The following KIFC3 variants were observed in gnomAD, a reference collection of about 807,000 sequenced individuals.
KIFC3 encodes kinesin family member C3, also known as kinesin-like protein KIFC3.
A neutral mutation model predicts 101.8 loss-of-function variants in KIFC3; 60 were observed. The ratio of observed to expected loss-of-function variants is 0.59; its 90% confidence interval spans 0.48 to 0.73. The LOEUF (loss-of-function observed/expected upper bound fraction) is 0.73. KIFC3 is among the 30% of genes least tolerant of loss of function. The pLI, the probability that KIFC3 is intolerant of heterozygous loss-of-function variation, is 0.00. For missense variants in KIFC3, 966 were observed against 1,137.1 expected, an observed-to-expected ratio of 0.85 and a Z score of 2.16; for synonymous variants, 476 against 482.7, an observed-to-expected ratio of 0.99 and a Z score of 0.18.
intron 12 of KIFC3, among the ~76,000 whole-genome samples, chr16:57,763,088 A>G (rs560495800): frequency 6.6e-6 from 1 of 151,762 alleles, no homozygotes; most frequent in African/African-American, 2.4e-5. Context: ...CCCTGGCCTG[A>G]CAGGACACTT....
chr16:57,760,111 C>A, intron 17 of KIFC3, 171 bp downstream of exon 17: 1 of 807,722 alleles, frequency 1.2e-6, no homozygotes. Flanking sequence ...AGAAGAAATA[C>A]CTGTACTGAA....
At chr16:57,808,017 T>A (rs369892275), upstream of KIFC3, 10 of 146,710 alleles carry the variant, frequency 6.8e-5, no homozygotes, top group African/African-American at 2.6e-4. Flanking sequence ...ATCCAAATGG[T>A]GGCTGCCTTT....
chr16:57,795,175 C>T lies in KIFC3; in HGVS notation c.173-34G>A, dbSNP rs375369781. On this transcript the variant is annotated intron_variant, in intron 2 of 19. Transcript: ENST00000445690. ...GGACAGAGAGATAGGTGAGACACTC[C>T]GACCACTGGCCAAAGACTGCTAGCC... is the stretch of plus-strand genomic sequence containing the variant. The T allele has an allele frequency of 1.3e-4, 204 of 1,596,162 alleles. No homozygotes were observed. In the African/African-American group the frequency reaches 1.8e-3, roughly 14 times the overall value.
chr16:57,829,361 C>T (rs936892451), intron 1 of KIFC3, among the ~76,000 whole-genome samples: 8 of 152,116 alleles, frequency 5.3e-5, no homozygotes, highest in African/African-American at 1.7e-4. Context: ...TCAAGCAATC[C>T]TCCCACCTCA....
At chr16:57,862,623 C>A in intron 1 of KIFC3, 1 of 308,490 alleles carries the variant, frequency 3.2e-6, no homozygotes, top group East Asian at 8.1e-5. Flanking sequence ...AGCTACAATC[C>A]CAATCACTGT....
intron 10 of KIFC3, 153 bp from the exon 11 acceptor site, chr16:57,765,793 T>G: frequency 1.6e-6 from 1 of 644,234 alleles, no homozygotes; most frequent in African/African-American, 1.8e-5. Flanking sequence ...AAAGCTGTTA[T>G]CCGTCATTCA....
Position 57,759,844 on chromosome 16 carries a change from C to A in KIFC3, c.2368-8G>T. The A allele has an allele frequency of 6.2e-7, 1 of 1,600,842 alleles. No homozygotes were observed. Among genetic ancestry groups the A allele is most frequent in the Non-Finnish European group, 8.5e-7 (1 of 1,174,228 alleles). ...CTGACAAGCCGGCTCCCACTGTGAG[C>A]AGGGAAGGGCGGATGGGCGGGGGCC... is the stretch of plus-strand genomic sequence containing the variant. On this transcript the variant is annotated splice_region_variant and splice_polypyrimidine_tract_variant and intron_variant, in intron 17 of 19. Coordinates refer to ENST00000445690, the MANE Select transcript of KIFC3 (RefSeq NM_001130100.2).
At chr16:57,799,000 C>T (rs2054552346) in intron 1 of KIFC3, among the ~76,000 whole-genome samples, 1 of 152,164 alleles carries the variant, frequency 6.6e-6, no homozygotes, top group Admixed American at 6.5e-5. Context: ...CCTGAAAACT[C>T]CCAGTCAGAA....
In KIFC3 at chr16:57,760,762, C is replaced by T. The variant is rs144919029; in HGVS notation, c.2196G>A (p.Ser732=). 6.8e-6 allele frequency: 11 copies of T among 1,613,718 alleles called. No homozygotes were observed. The South Asian group carries it at 7.7e-5, about 11-fold the overall frequency. ...TGAGGGTCTTGCTGTCACCACTAAG[C>T]GAATCCTGCAGCAGGTAGGTGAGCT... is the stretch of plus-strand genomic sequence containing the variant. ...NSKLTYLLQD[S]LSGDSKTLMV... is the part of the protein sequence containing the mutation. The change falls in exon 16 of 20, where the codon TCG becomes TCA. Residue 732 remains serine, a synonymous_variant. Transcript: ENST00000445690.
At chr16:57,798,364 G>A (rs1218678874) in intron 1 of KIFC3, 82 bp from the exon 2 acceptor site, 1 of 1,273,260 alleles carries the variant, frequency 7.9e-7, no homozygotes, top group East Asian at 2.5e-5. Context: ...CCATCTGGAA[G>A]GGTCTACGCC....
chr16:57,861,075 T>C (rs1959243178), intron 1 of KIFC3, among the ~76,000 whole-genome samples: 1 of 152,210 alleles, frequency 6.6e-6, no homozygotes. Flanking sequence ...CATACTTCAT[T>C]ACAAAGACTT....
intron 1 of KIFC3, among the ~76,000 whole-genome samples, chr16:57,826,982 C>A (rs2055472265): frequency 6.6e-6 from 1 of 152,206 alleles, no homozygotes; most frequent in South Asian, 2.1e-4. Flanking sequence ...TGCCTTGGGA[C>A]TGTGAAACCA....
At chr16:57,759,687 C>T (rs2049587762) in intron 18 of KIFC3, 41 bp downstream of exon 18, 3 of 1,476,496 alleles carry the variant, frequency 2.0e-6, no homozygotes, top group African/African-American at 1.4e-5. Context: ...TGACTATTAC[C>T]CTGGGGAGAC....
At chr16:57,862,326 G>A (rs55948539) in intron 1 of KIFC3, among the ~76,000 whole-genome samples, 1 of 151,534 alleles carries the variant, frequency 6.6e-6, no homozygotes, top group Admixed American at 6.6e-5. Flanking sequence ...GCCTGGCTGA[G>A]ATTTCATCAA....
At chr16:57,859,588 A>G (rs1402624519) in intron 1 of KIFC3, among the ~76,000 whole-genome samples, 5 of 152,146 alleles carry the variant, frequency 3.3e-5, no homozygotes, top group Non-Finnish European at 5.9e-5. Context: ...TATGTTGTCT[A>G]CATCAGCCTT....
At chr16:57,854,982 A>G (rs247061) in intron 1 of KIFC3, among the ~76,000 whole-genome samples, 100,829 of 152,018 alleles carry the variant, frequency 0.66, 34,341 homozygotes, top group East Asian at 0.76. Context: ...CACTTTGGGA[A>G]GTCAAGGCGG....
At chr16:57,785,724 G>A (rs527809074) in intron 3 of KIFC3, 48 of 1,073,734 alleles carry the variant, frequency 4.5e-5, no homozygotes, top group Non-Finnish European at 5.6e-5. Flanking sequence ...TGGCAGAGGA[G>A]GGGGTCCATC....
chr16:57,808,857 G>A (rs2055003761), intron 1 of KIFC3, among the ~76,000 whole-genome samples: 1 of 152,190 alleles, frequency 6.6e-6, no homozygotes, highest in South Asian at 2.1e-4. Context: ...ATTGAGTTAT[G>A]GTGAGATGTA....
chr16:57,815,067 G>A (rs2055189434), intron 1 of KIFC3, among the ~76,000 whole-genome samples: 2 of 152,182 alleles, frequency 1.3e-5, no homozygotes, highest in South Asian at 2.1e-4. Context: ...TCTAGGACAC[G>A]CAGGCCTGGC....
Sources: gnomAD v4.1 joint callset for allele counts (sites outside exome capture counted in the v4.1 genomes callset) on GRCh38, gnomAD v4.1.1 for gene constraint, MANE v1.5 for transcripts, NCBI Gene and HGNC (gene_info 2026-07-23, HGNC 2026-07-21) for gene names.